Variants in ZNF143 observed in about 807,000 individuals in gnomAD.
ZNF143 encodes the protein SPH-binding factor.
ZNF143 carries 49 observed loss-of-function variants against 74.1 expected under a neutral mutation model. That is an observed-to-expected ratio of 0.66 (90% confidence interval 0.53 to 0.84). ZNF143 has a LOEUF of 0.84. ZNF143 is among the 40% of genes least tolerant of loss of function. ZNF143 has a pLI of 0.00. For synonymous variants in ZNF143, 304 were observed against 282.8 expected (o/e 1.07, Z -0.75); for missense variants, 637 against 793.4 (o/e 0.80, Z 2.37).
At chr11:9,469,782 A>G (rs1017543516) in intron 1 of ZNF143, among the ~76,000 whole-genome samples, 1 of 152,176 alleles carries the variant, frequency 6.6e-6, no homozygotes, top group East Asian at 1.9e-4. Flanking sequence ...TCCTGACCTC[A>G]GGTGATCCAC....
At position 9,512,566 on chromosome 11, in the gene ZNF143, T is replaced by TA; in HGVS notation, c.1495dup (p.Thr499AsnfsTer17). 2 of 1,614,218 alleles carry TA rather than the reference T, an allele frequency of 1.2e-6. No individual in the cohort carries two copies. The highest frequency in any genetic ancestry group is 8.5e-7 in the Non-Finnish European group (1 of 1,180,040). ...CCCAATCTGGACTGAGTCAACAAGT[T>TA]ACACTCATATCCCAGGATGGGACTC... On this transcript the variant is annotated frameshift_variant, in exon 13 of 16. Transcript: ENST00000396602. LOFTEE classifies it high-confidence loss of function.
intron 11 of ZNF143, among the ~76,000 whole-genome samples, chr11:9,507,683 C>T (rs1589929274): frequency 1.3e-5 from 2 of 152,176 alleles, no homozygotes; most frequent in East Asian, 3.9e-4. Flanking sequence ...AGTTTGCTTT[C>T]AGTTTTAGGT....
chr11:9,489,025 G>C (rs918584934), intron 7 of ZNF143, among the ~76,000 whole-genome samples: 1 of 152,182 alleles, frequency 6.6e-6, no homozygotes, highest in Non-Finnish European at 1.5e-5. Context: ...TATGCATTGA[G>C]GTAAAAGCCA....
At chr11:9,505,857 C>T (rs1052869771) in intron 11 of ZNF143, among the ~76,000 whole-genome samples, 3 of 131,480 alleles carry the variant, frequency 2.3e-5, no homozygotes, top group African/African-American at 8.8e-5. Context: ...CCAGCCTGGG[C>T]GACTGAGTGA....
chr11:9,492,643 G>A (rs1196316496), intron 7 of ZNF143, among the ~76,000 whole-genome samples: 1 of 152,098 alleles, frequency 6.6e-6, no homozygotes, highest in African/African-American at 2.4e-5. Flanking sequence ...CTTAATTTTA[G>A]AACTTTAAAA....
intron 12 of ZNF143, among the ~76,000 whole-genome samples, chr11:9,510,128 T>TA (rs1848489118): frequency 6.6e-6 from 1 of 151,288 alleles, no homozygotes; most frequent in African/African-American, 2.4e-5. Context: ...TTCTTTTTTT[T>TA]TTTTTTTTAT....
At chr11:9,479,418 C>T (rs1847151651) in intron 6 of ZNF143, 54 bp from the exon 7 acceptor site, 2 of 1,486,964 alleles carry the variant, frequency 1.3e-6, no homozygotes, top group Non-Finnish European at 1.9e-6. Context: ...ACTTAACCAG[C>T]CTAAACCATT....
intron 9 of ZNF143, 84 bp from the exon 10 acceptor site, chr11:9,497,591 A>C: frequency 9.4e-7 from 1 of 1,067,350 alleles, no homozygotes; most frequent in Non-Finnish European, 1.3e-6. Context: ...CTTGGTATTG[A>C]CTATATTTTT....
rs1472129110 is a variant in ZNF143 at position 9,487,502 on chromosome 11, C to T, written c.646-7144C>T. 1.6e-4 allele frequency among the ~76,000 whole-genome samples: 24 copies of T among 151,188 alleles called. 3 individuals are homozygous for T. The highest frequency in any genetic ancestry group is 5.4e-4 in the African/African-American group (22 of 40,622). ...CATCCTGAGTAGCTGGGACTACAGG[C>T]GCCCACCACCACACCTGGCTAATTT... On this transcript the variant is annotated intron_variant, in intron 7 of 15. Coordinates refer to ENST00000396602, the MANE Select transcript of ZNF143 (RefSeq NM_003442.6).
chr11:9,481,547 A>G (rs984114674), intron 7 of ZNF143, among the ~76,000 whole-genome samples: 15 of 152,088 alleles, frequency 9.9e-5, no homozygotes. Context: ...TCTCTGTCTT[A>G]TTGGTAACTG....
intron 4 of ZNF143, 61 bp downstream of exon 4, chr11:9,474,085 AC>A: frequency 1.5e-6 from 2 of 1,326,820 alleles, no homozygotes; most frequent in Non-Finnish European, 2.2e-6. Context: ...AGTATTTGCT[AC>A]CTGCAGCTCC....
At chr11:9,517,373 A>G (rs896856494) in intron 14 of ZNF143, among the ~76,000 whole-genome samples, 1 of 152,126 alleles carries the variant, frequency 6.6e-6, no homozygotes, top group Non-Finnish European at 1.5e-5. Flanking sequence ...TGCTATTTCA[A>G]ACAACACATA....
At chr11:9,506,805 C>CTTTTCT (rs1242827461) in intron 11 of ZNF143, among the ~76,000 whole-genome samples, 2 of 151,990 alleles carry the variant, frequency 1.3e-5, no homozygotes, top group Non-Finnish European at 2.9e-5. Context: ...GTCCTTTTTT[C>CTTTTCT]TTTTCTTTTT....
chr11:9,472,650 A>C lies in ZNF143; in HGVS notation c.113-27A>C, dbSNP rs765758932. 6.3e-7 allele frequency: 1 copy of C among 1,594,532 alleles called. No homozygotes were observed. Among genetic ancestry groups the C allele is most frequent in the African/African-American group, 1.3e-5 (1 of 74,116 alleles). On this transcript the variant is annotated intron_variant, in intron 2 of 15. Transcript: ENST00000396602. ...AGCATGTCCATATGCTAGCTGTCTA[A>C]AGAAAATATTGATTTTTTTGTAATA...
chr11:9,484,023 C>T (rs1345791678), intron 7 of ZNF143, among the ~76,000 whole-genome samples: 1 of 151,588 alleles, frequency 6.6e-6, no homozygotes, highest in Non-Finnish European at 1.5e-5. Context: ...GCTGGGATTA[C>T]AGGCGTGAGC....
intron 14 of ZNF143, among the ~76,000 whole-genome samples, chr11:9,517,238 G>T (rs927784887): frequency 6.6e-6 from 1 of 150,984 alleles, no homozygotes; most frequent in African/African-American, 2.4e-5. Context: ...GCATCTTGTT[G>T]TTGTCTTTTA....
intron 14 of ZNF143, among the ~76,000 whole-genome samples, chr11:9,522,402 AATTT>A (rs1565070311): frequency 6.6e-6 from 1 of 151,992 alleles, no homozygotes. Flanking sequence ...AAAAAAAAAA[AATTT>A]AAATTGTCTA....
rs57169874 is a variant in ZNF143, at chr11:9,501,925, C to CTT, written c.1147+682_1147+683dup. Among the ~76,000 whole-genome samples, 260 of 37,454 alleles carry CTT rather than the reference C, an allele frequency of 6.9e-3. 44 individuals are homozygous for CTT. The highest frequency in any genetic ancestry group is 0.014 in the African/African-American group (124 of 8,770). The allele number at this position is 37,454 out of a possible 152,430, so 24.6% of individuals were successfully genotyped here. On this transcript the variant is annotated intron_variant, in intron 11 of 15. Transcript: ENST00000396602. ...GGGCGGGGTGGTCTATGGATATATT[C>CTT]TTTTTTTTTTTTTTTTTTTTTTTTT...
chr11:9,496,783 A>G (rs1847974106), intron 9 of ZNF143, among the ~76,000 whole-genome samples: 1 of 151,612 alleles, frequency 6.6e-6, no homozygotes, highest in Admixed American at 6.6e-5. Flanking sequence ...TTTTTAGTAG[A>G]GATGAGGTTT....
Sources: allele counts gnomAD v4.1 joint callset (sites outside exome capture counted in the v4.1 genomes callset), GRCh38; gene constraint gnomAD v4.1.1; transcripts MANE v1.5; gene names NCBI Gene and HGNC (gene_info 2026-07-23, HGNC 2026-07-21).